Variants in GLRA3 observed in about 807,000 individuals in gnomAD.
The protein encoded by GLRA3 is glycine receptor alpha 3.
GLRA3 carries 44 observed loss-of-function variants against 60.4 expected under a neutral mutation model. The observed-to-expected ratio is 0.73, with a 90% CI of 0.57 to 0.94. GLRA3 has a LOEUF of 0.94. Among genes scored for constraint, GLRA3 ranks in the 40% least tolerant of loss-of-function variants. The probability of loss-of-function intolerance (pLI) is 0.00; values close to 1 mark genes in which losing one functional copy is unlikely to be tolerated. For synonymous variants in GLRA3, 223 were observed against 192.9 expected (o/e 1.16, Z -1.29); for missense variants, 508 against 564.6 (o/e 0.90, Z 1.02).
At chr4:174,790,689 AC>A (rs1395034248) in intron 1 of GLRA3, among the ~76,000 whole-genome samples, 2 of 151,982 alleles carry the variant, frequency 1.3e-5, no homozygotes, top group African/African-American at 4.8e-5. Context: ...TTTTAAAAAT[AC>A]TAGACGATGG....
In GLRA3 at chr4:174,638,755, A is replaced by G. The variant is rs548958173; in HGVS notation, c.*5031T>C. On this transcript the variant is annotated 3_prime_UTR_variant, in exon 10 of 10. Transcript: ENST00000274093. ...TCTCACTTCTGGAATTTTTTCAATC[A>G]TCCAGAATTTCAGATCTTATTCCAA... The G allele has an allele frequency of 1.1e-4, 16 of 152,358 alleles. No homozygotes were observed. The highest frequency in any genetic ancestry group is 3.8e-4 in the African/African-American group (16 of 41,586). The allele number at this position is 152,358 out of a possible 1,614,324, so 9.4% of individuals were successfully genotyped here.
At chr4:174,801,779 T>C (rs963780634) in intron 1 of GLRA3, among the ~76,000 whole-genome samples, 2 of 152,018 alleles carry the variant, frequency 1.3e-5, no homozygotes, top group African/African-American at 2.4e-5. Flanking sequence ...TAAGCATAAT[T>C]CCCCCAGGAA....
chr4:174,685,009 AAAAAC>A (rs1230665427), intron 5 of GLRA3, among the ~76,000 whole-genome samples: 3 of 152,166 alleles, frequency 2.0e-5, no homozygotes, highest in African/African-American at 7.2e-5. Flanking sequence ...CCCTGTCTCA[AAAAAC>A]AAAACAAAAC....
At chr4:174,769,323 T>A (rs1738290302) in intron 2 of GLRA3, among the ~76,000 whole-genome samples, 1 of 152,106 alleles carries the variant, frequency 6.6e-6, no homozygotes, top group Admixed American at 6.6e-5. Context: ...TTTTGTTAGA[T>A]CAATATTCAC....
chr4:174,690,562 A>G (rs1364490005), intron 5 of GLRA3, among the ~76,000 whole-genome samples: 4 of 152,180 alleles, frequency 2.6e-5, no homozygotes, highest in Admixed American at 2.6e-4. Flanking sequence ...TACATACGTA[A>G]ACACATGTCA....
rs756455428 is a variant in GLRA3 at position 174,828,752 on chromosome 4, T to G, written c.60A>C (p.Ala20=). Residue 20 remains alanine, a synonymous_variant, in exon 1 of 10, where the codon GCA becomes GCC. Coordinates refer to ENST00000274093, the MANE Select transcript of GLRA3 (RefSeq NM_006529.4). ...LVSGFYFWEA[A]LLLSLVATKE... ...CCAAGCGAACTCACCTGAGTAACAG[T>G]GCTGCTTCCCAGAAGTAAAATCCCG... The G allele has an allele frequency of 1.2e-6, 2 of 1,607,702 alleles. No homozygotes were observed. The highest frequency in any genetic ancestry group is 1.7e-6 in the Non-Finnish European group (2 of 1,174,252).
intron 1 of GLRA3, among the ~76,000 whole-genome samples, chr4:174,826,495 T>C (rs1293960632): frequency 1.3e-5 from 2 of 152,180 alleles, no homozygotes; most frequent in African/African-American, 4.8e-5. Flanking sequence ...AACTGTAGTC[T>C]CTTCACTTGG....
chr4:174,706,182 T>A (rs576619711), intron 5 of GLRA3, among the ~76,000 whole-genome samples: 240 of 151,714 alleles, frequency 1.6e-3, no homozygotes, highest in Non-Finnish European at 2.1e-3. Context: ...GTGAGCCGAG[T>A]TCACGCCACT....
intron 4 of GLRA3, among the ~76,000 whole-genome samples, chr4:174,715,779 T>G (rs913766059): frequency 1.4e-4 from 22 of 152,200 alleles, no homozygotes; most frequent in Non-Finnish European, 2.8e-4. Flanking sequence ...ATTGCATATC[T>G]TAGGCTGGTG....
intron 1 of GLRA3, among the ~76,000 whole-genome samples, chr4:174,810,173 T>C (rs1414335014): frequency 6.6e-6 from 1 of 152,042 alleles, no homozygotes; most frequent in East Asian, 1.9e-4. Context: ...GAGAAATTGG[T>C]AAATTACATG....
At chr4:174,698,554 T>C (rs904462156) in intron 5 of GLRA3, among the ~76,000 whole-genome samples, 1 of 152,130 alleles carries the variant, frequency 6.6e-6, no homozygotes, top group Admixed American at 6.6e-5. Flanking sequence ...CCAAAACCTA[T>C]ACAAAACCAA....
At chr4:174,765,438 G>A (rs2029569) in intron 3 of GLRA3, among the ~76,000 whole-genome samples, 41,629 of 151,742 alleles carry the variant, frequency 0.27, 6,146 homozygotes, top group Non-Finnish European at 0.34. Context: ...TTTCATGGAC[G>A]CAATCATGTA....
chr4:174,711,659 C>G (rs1438752172), intron 5 of GLRA3, among the ~76,000 whole-genome samples: 1 of 151,982 alleles, frequency 6.6e-6, no homozygotes, highest in African/African-American at 2.4e-5. Context: ...AGGCTGGTCT[C>G]AAACACCTGA....
At chr4:174,791,751 G>C (rs928426573) in intron 1 of GLRA3, among the ~76,000 whole-genome samples, 2 of 151,878 alleles carry the variant, frequency 1.3e-5, no homozygotes. Flanking sequence ...ATATATTTTC[G>C]TTTCTTTGAG....
chr4:174,776,547 C>T (rs1738607979), intron 2 of GLRA3, among the ~76,000 whole-genome samples: 1 of 151,740 alleles, frequency 6.6e-6, no homozygotes, highest in Admixed American at 6.6e-5. Flanking sequence ...TAGCAGTCTA[C>T]TTAGTGCAAA....
intron 3 of GLRA3, among the ~76,000 whole-genome samples, chr4:174,737,130 A>C (rs1442502205): frequency 2.0e-5 from 3 of 152,222 alleles, no homozygotes; most frequent in Non-Finnish European, 4.4e-5. Context: ...CTAATGTTAT[A>C]GAACTAACAA....
chr4:174,721,007 T>TGTGTG (rs1736107923), intron 4 of GLRA3, among the ~76,000 whole-genome samples: 49 of 141,554 alleles, frequency 3.5e-4, no homozygotes, highest in African/African-American at 1.2e-3. Context: ...TGTGTGAACT[T>TGTGTG]TGTGTGTGTG....
intron 2 of GLRA3, among the ~76,000 whole-genome samples, chr4:174,769,377 C>A (rs59884512): frequency 0.36 from 54,797 of 151,814 alleles, 10,058 homozygotes; most frequent in East Asian, 0.51. Context: ...CCCAGCCAAA[C>A]AATAGAATAT....
At chr4:174,765,479 G>T (rs1230350830) in intron 3 of GLRA3, among the ~76,000 whole-genome samples, 4 of 151,978 alleles carry the variant, frequency 2.6e-5, no homozygotes, top group African/African-American at 9.7e-5. Flanking sequence ...ATATTTCCAG[G>T]TTTTTAGGAT....
Sources: gnomAD v4.1 joint callset for allele counts (sites outside exome capture counted in the v4.1 genomes callset) on GRCh38, gnomAD v4.1.1 for gene constraint, MANE v1.5 for transcripts, NCBI Gene and HGNC (gene_info 2026-07-23, HGNC 2026-07-21) for gene names.